The following PCA3 variants were observed in gnomAD, a reference collection of about 807,000 sequenced individuals.
The protein encoded by PCA3 is prostate cancer associated 3.
At chr9:76,768,180 C>T (rs1409946195) in intron 2 of PCA3, among the ~76,000 whole-genome samples, 2 of 151,190 alleles carry the variant, frequency 1.3e-5, no homozygotes, top group East Asian at 2.0e-4. Context: ...TGAACTAGTA[C>T]TTCCATGTCA....
At chr9:76,784,857 A>G (rs1473741402) in intron 2 of PCA3, 1 of 152,402 alleles carries the variant, frequency 6.6e-6, no homozygotes, top group African/African-American at 2.4e-5. Flanking sequence ...TTCATTTCCC[A>G]CTTTTGTGCC....
chr9:76,770,413 C>T (rs1400390003), intron 2 of PCA3, among the ~76,000 whole-genome samples: 1 of 152,084 alleles, frequency 6.6e-6, no homozygotes, highest in African/African-American at 2.4e-5. Flanking sequence ...TCAATCCAAT[C>T]TATTGCCTTA....
intron 2 of PCA3, chr9:76,778,297 C>G (rs1343400): frequency 0.53 from 80,501 of 151,844 alleles, 23,091 homozygotes; most frequent in African/African-American, 0.75. Context: ...TCTTATGGCA[C>G]AAATACAGCC....
chr9:76,776,893 TACACACACACACACACACACAC>T (rs541232508), intron 2 of PCA3, among the ~76,000 whole-genome samples: 5 of 115,616 alleles, frequency 4.3e-5, no homozygotes, highest in East Asian at 2.3e-4. Context: ...CCAAAACACA[TACACACACACACACACACACAC>T]ACACACACAC....
At chr9:76,779,219 T>TG (rs2054114838) in intron 2 of PCA3, among the ~76,000 whole-genome samples, 1 of 147,844 alleles carries the variant, frequency 6.8e-6, no homozygotes, top group African/African-American at 2.6e-5. Context: ...ATGGACAAAG[T>TG]GAAAAACTTA....
In PCA3 at chr9:76,774,831, C is replaced by A. The variant is rs116029976; in HGVS notation, n.853-33752C>A. ...TGGAGGAAACAGGGGAGCTTTAGCA[C>A]CTTTGAGTAGTGAAAAGATTGTAGA... On this transcript the variant is annotated intron_variant and non_coding_transcript_variant, in intron 2 of 5. Coordinates refer to ENST00000644657, the Ensembl canonical transcript of PCA3. Among the ~76,000 whole-genome samples, 765 of 152,176 alleles carry A rather than the reference C, an allele frequency of 5.0e-3. 4 individuals are homozygous for A. Among genetic ancestry groups the A allele is most frequent in the African/African-American group, 0.017 (726 of 41,508 alleles).
chr9:76,779,334 T>C (rs1443890970), intron 2 of PCA3, among the ~76,000 whole-genome samples: 1 of 152,010 alleles, frequency 6.6e-6, no homozygotes, highest in Non-Finnish European at 1.5e-5. Flanking sequence ...AGATTAAGGC[T>C]CTTTGTGGGG....
At chr9:76,764,995 A>G (rs1335740412) in intron 2 of PCA3, among the ~76,000 whole-genome samples, 1 of 152,228 alleles carries the variant, frequency 6.6e-6, no homozygotes, top group Non-Finnish European at 1.5e-5. Flanking sequence ...GAAAAAGTCA[A>G]AGGTTCTGTT....
intron 2 of PCA3, among the ~76,000 whole-genome samples, chr9:76,774,454 T>TTTTATTTATTTATTTATTTTTA (rs1284882050): frequency 5.5e-5 from 3 of 54,532 alleles, no homozygotes; most frequent in Non-Finnish European, 9.2e-5. Context: ...TCAACCCTTT[T>TTTTATTTATTTATTTATTTTTA]TTTTTTTTTT....
chr9:76,779,570 T>G (rs187198125), intron 2 of PCA3: 12 of 152,192 alleles, frequency 7.9e-5, no homozygotes, highest in Non-Finnish European at 1.3e-4. Context: ...AGGACAGCAT[T>G]GTGGCTTGGA....
intron 2 of PCA3, among the ~76,000 whole-genome samples, chr9:76,767,960 A>T (rs2052604682): frequency 6.6e-6 from 1 of 152,140 alleles, no homozygotes; most frequent in African/African-American, 2.4e-5. Context: ...ATAATTGTAC[A>T]TTCACATCTC....
At chr9:76,766,558 G>A (rs1223637604) in intron 2 of PCA3, among the ~76,000 whole-genome samples, 1 of 152,108 alleles carries the variant, frequency 6.6e-6, no homozygotes, top group Non-Finnish European at 1.5e-5. Flanking sequence ...TTCATGGATA[G>A]TGCCTCTCCC....
At chr9:76,781,261 C>A (rs2054362172) in intron 2 of PCA3, among the ~76,000 whole-genome samples, 1 of 152,102 alleles carries the variant, frequency 6.6e-6, no homozygotes, top group South Asian at 2.1e-4. Flanking sequence ...AGTGGCTTCC[C>A]TTGAACTTAA....
At chr9:76,778,541 G>A (rs954239313) in intron 2 of PCA3, 3 of 152,186 alleles carry the variant, frequency 2.0e-5, no homozygotes, top group African/African-American at 7.2e-5. Context: ...GGTTCAACGA[G>A]GACTTGGAAT....
intron 2 of PCA3, among the ~76,000 whole-genome samples, chr9:76,767,745 C>T (rs2052576131): frequency 6.6e-6 from 1 of 152,148 alleles, no homozygotes; most frequent in East Asian, 1.9e-4. Context: ...TGAATCCAGC[C>T]TGCCCAGCAC....
At chr9:76,785,733 CTGTGTGTGTGTG>C (rs10681024) in intron 2 of PCA3, 1 of 149,534 alleles carries the variant, frequency 6.7e-6, no homozygotes, top group Non-Finnish European at 1.5e-5. Flanking sequence ...GTTAAGAGCT[CTGTGTGTGTGTG>C]TGTGTGTGTG....
chr9:76,770,465 T>A (rs1410068033), intron 2 of PCA3, among the ~76,000 whole-genome samples: 1 of 152,148 alleles, frequency 6.6e-6, no homozygotes, highest in East Asian at 1.9e-4. Flanking sequence ...GAATATATGA[T>A]TCAAAAATTG....
At chr9:76,765,521 G>A (rs2052254706) in intron 2 of PCA3, among the ~76,000 whole-genome samples, 1 of 152,140 alleles carries the variant, frequency 6.6e-6, no homozygotes, top group South Asian at 2.1e-4. Context: ...TCTCATAATT[G>A]CATTCTAGCA....
intron 2 of PCA3, among the ~76,000 whole-genome samples, chr9:76,781,014 T>C (rs1163825118): frequency 1.3e-5 from 2 of 152,204 alleles, no homozygotes; most frequent in Non-Finnish European, 2.9e-5. Context: ...CTAGTCCCCA[T>C]AGCCAGTCCA....
Sources: allele counts gnomAD v4.1 joint callset (sites outside exome capture counted in the v4.1 genomes callset), GRCh38; gene constraint gnomAD v4.1.1; transcripts MANE v1.5; gene names NCBI Gene and HGNC (gene_info 2026-07-23, HGNC 2026-07-21).